The following AMMECR1L variants were observed in gnomAD, a reference collection of about 807,000 sequenced individuals.
AMMECR1L encodes AMMECR1 like.
AMMECR1L carries 4 observed loss-of-function variants against 36.8 expected under a neutral mutation model. The ratio of observed to expected loss-of-function variants is 0.11; its 90% CI spans 0.05 to 0.25. AMMECR1L has a LOEUF of 0.25. Ranked by LOEUF, AMMECR1L falls within the 10% of genes least tolerant of loss-of-function variation. The pLI, the probability that AMMECR1L is intolerant of heterozygous loss-of-function variation, is 1.00. For synonymous variants in AMMECR1L, 147 were observed against 148.0 expected (o/e 0.99, Z 0.05); for missense variants, 232 against 392.1 (o/e 0.59, Z 3.45).
Position 127,874,101 on chromosome 2 carries a change from C to G in AMMECR1L, c.134G>C (p.Ser45Thr), listed in dbSNP as rs1430075097. 8.1e-6 allele frequency: 13 copies of G among 1,614,192 alleles called. No homozygotes were observed. Among genetic ancestry groups the G allele is most frequent in the Non-Finnish European group, 1.0e-5 (12 of 1,180,046 alleles). ...CTGGTGGTTTTGAAGAGGTCCTGAA[C>G]TAGAGCCGGGGACAGTTGTGGACTG... ...GNQSTTVPGSSSGPLQNHQHV... is the reference protein window; with the variant it reads ...GNQSTTVPGSTSGPLQNHQHV... Residue 45 changes from serine (S) to threonine (T), a missense_variant, in exon 3 of 8, where the codon AGT becomes ACT. Physicochemically the swap from Ser to Thr is moderately conservative, Grantham distance 58. Coordinates refer to ENST00000272647, the MANE Select transcript of AMMECR1L (RefSeq NM_001199140.2). This position sits in a 1 kb window ranked among gnomAD's most constrained non-coding sequence, Gnocchi z 5.2.
At position 127,874,032 on chromosome 2, in the gene AMMECR1L, G is replaced by A. The variant is rs1487987656; in HGVS notation, c.203C>T (p.Thr68Ile). 1 of 1,614,254 alleles carries A rather than the reference G, an allele frequency of 6.2e-7. No homozygotes were observed. The highest frequency in any genetic ancestry group is 1.7e-5 in the Admixed American group (1 of 60,026). Residue 68 changes from threonine to isoleucine, a missense_variant, in exon 3 of 8, where the codon ACT (threonine) becomes ATT (isoleucine). By Grantham distance (89) the Thr-to-Ile change is moderately conservative. This residue lies in a region of AMMECR1L where 109 missense variants were observed against 128.1 expected (regional missense o/e 0.85). Coordinates refer to ENST00000272647, the MANE Select transcript of AMMECR1L (RefSeq NM_001199140.2). The surrounding 1 kb of genome is among the most constrained non-coding windows in gnomAD (Gnocchi z 5.2). ...SSGRENVSDL[T>I]LGPGNSPITR... ...GATGGGAGAGTTTCCAGGTCCCAGAGTTAAGTCTGACACATTCTCCCGTCC... is the reference window on the plus strand; with the variant it reads ...GATGGGAGAGTTTCCAGGTCCCAGAATTAAGTCTGACACATTCTCCCGTCC...
intron 2 of AMMECR1L, among the ~76,000 whole-genome samples, chr2:127,880,869 C>T (rs967169658): frequency 3.3e-5 from 5 of 152,086 alleles, no homozygotes; most frequent in Non-Finnish European, 7.3e-5. Flanking sequence ...AGTGGAGTAT[C>T]GCAGAACCTG....
chr2:127,870,783 G>A, intron 5 of AMMECR1L, 31 bp downstream of exon 5: 3 of 1,554,968 alleles, frequency 1.9e-6, no homozygotes, highest in Non-Finnish European at 2.6e-6. Flanking sequence ...TGCAACGAGA[G>A]ATGCAGAGTT....
chr2:127,868,567 C>T (rs910968222), intron 6 of AMMECR1L, among the ~76,000 whole-genome samples: 1 of 152,150 alleles, frequency 6.6e-6, no homozygotes, highest in Non-Finnish European at 1.5e-5. Context: ...ATATTATTTT[C>T]AAAATCAGAC....
chr2:127,868,163 A>G (rs1293254051), intron 6 of AMMECR1L, among the ~76,000 whole-genome samples: 1 of 152,210 alleles, frequency 6.6e-6, no homozygotes, highest in African/African-American at 2.4e-5. Context: ...AAACGTGCCC[A>G]GCCTCATTCT....
intron 3 of AMMECR1L, chr2:127,872,985 C>T: frequency 9.1e-6 from 9 of 985,102 alleles, no homozygotes; most frequent in Non-Finnish European, 1.1e-5. Flanking sequence ...GATTTGCCAA[C>T]CTGACAGGCC....
At chr2:127,885,321 G>A (rs1691713966) in intron 1 of AMMECR1L, 2 of 984,840 alleles carry the variant, frequency 2.0e-6, no homozygotes, top group Non-Finnish European at 2.4e-6. Context: ...AAGAGGGTCC[G>A]GGGCGCTGGG....
chr2:127,875,607 TAAAC>T, intron 2 of AMMECR1L, among the ~76,000 whole-genome samples: 1 of 152,306 alleles, frequency 6.6e-6, no homozygotes, highest in Admixed American at 6.5e-5. Flanking sequence ...TTGAATGATA[TAAAC>T]ATTTTACAAG....
In AMMECR1L at chr2:127,885,398, C is replaced by T. The variant is rs908861599; in HGVS notation, c.-149+412G>A. The stretch of plus-strand genomic sequence containing the variant: ...CCGAGCCGCGGGGGTGGAATCCAGA[C>T]GCCGGGCGGGGGAGGGGGCGGCGGG... On this transcript the variant is annotated intron_variant, in intron 1 of 7. Transcript: ENST00000272647. 1.3e-5 allele frequency: 12 copies of T among 942,110 alleles called. No individual in the cohort carries two copies. The African/African-American group carries it at 2.3e-4, about 18-fold the overall frequency. The allele number at this position is 942,110 out of a possible 1,614,324, so 58.4% of individuals were successfully genotyped here. A position where few individuals can be genotyped will look rare whatever the true frequency, so the allele number is the denominator to read the frequency against.
intron 3 of AMMECR1L, among the ~76,000 whole-genome samples, chr2:127,872,669 C>T (rs1441373758): frequency 6.6e-6 from 1 of 152,232 alleles, no homozygotes; most frequent in Non-Finnish European, 1.5e-5. Context: ...CCAAAGCCTA[C>T]TGAAAAATCC....
At position 127,869,425 on chromosome 2, in the gene AMMECR1L, G is replaced by C; in HGVS notation, c.724+29C>G. On this transcript the variant is annotated intron_variant, in intron 6 of 7. Coordinates refer to ENST00000272647, the MANE Select transcript of AMMECR1L (RefSeq NM_001199140.2). The surrounding 1 kb of genome is among the most constrained non-coding windows in gnomAD (Gnocchi z 4.7). Reference sequence around the variant, plus strand: ...ACTGGCACCACTGTGAATGATACTTGTCATTAAAATCCCATTCATCCAACT... The same window carrying C: ...ACTGGCACCACTGTGAATGATACTTCTCATTAAAATCCCATTCATCCAACT... 1 of 1,576,276 alleles carries C rather than the reference G, an allele frequency of 6.3e-7. No homozygotes were observed.
chr2:127,881,890 A>C (rs1038517803), intron 2 of AMMECR1L, among the ~76,000 whole-genome samples: 1 of 152,224 alleles, frequency 6.6e-6, no homozygotes, highest in Admixed American at 6.5e-5. Context: ...ATGGCTTCTA[A>C]TAAATCATCC....
intron 6 of AMMECR1L, among the ~76,000 whole-genome samples, chr2:127,868,355 AGAGT>A (rs544325990): frequency 1.0e-3 from 155 of 152,326 alleles, no homozygotes; most frequent in Non-Finnish European, 1.7e-3. Flanking sequence ...CTCCTTGTAC[AGAGT>A]GTGTTAGGTT....
chr2:127,877,056 T>TATATAG (rs1405354696), intron 2 of AMMECR1L, among the ~76,000 whole-genome samples: 3 of 146,988 alleles, frequency 2.0e-5, no homozygotes, highest in Non-Finnish European at 4.5e-5. Flanking sequence ...TATATATATA[T>TATATAG]GTACATAAAG....
At chr2:127,867,493 T>C (rs780068198) in intron 6 of AMMECR1L, among the ~76,000 whole-genome samples, 4 of 152,132 alleles carry the variant, frequency 2.6e-5, no homozygotes, top group Non-Finnish European at 5.9e-5. Flanking sequence ...ACACCTGTAA[T>C]CCCAGCACTT....
At position 127,866,818 on chromosome 2, in the gene AMMECR1L, C is replaced by G. The variant is rs1399193165; in HGVS notation, c.821+82G>C. The G allele has an allele frequency of 3.0e-6, 4 of 1,321,736 alleles. No individual in the cohort carries two copies. The African/African-American group carries it at 5.8e-5, about 19-fold the overall frequency. 81.9% of individuals were successfully genotyped at this position (1,321,736 alleles called of 1,614,324 possible). A position where few individuals can be genotyped will look rare whatever the true frequency, so the allele number is the denominator to read the frequency against. On this transcript the variant is annotated intron_variant, in intron 7 of 7. Transcript: ENST00000272647. The stretch of plus-strand genomic sequence containing the variant: ...GATTTAGGGACATTCACAGAGAACA[C>G]TTCTTCTCCATCCCATCAAAATTAT...
rs1156408713 is a variant in AMMECR1L at position 127,862,234 on chromosome 2, AC to A, written c.*2859del. The A allele has an allele frequency of 6.5e-6, 1 of 153,764 alleles. No individual in the cohort carries two copies. The highest frequency in any genetic ancestry group is 1.5e-5 in the Non-Finnish European group (1 of 68,030). 9.5% of individuals were successfully genotyped at this position (153,764 alleles called of 1,614,324 possible). Reference sequence around the variant, plus strand: ...CAGCTAGGGATGAAACGAACTCCGAACCAAGCCAGAGAAATTGGGCTGGTCC... The same window carrying A: ...CAGCTAGGGATGAAACGAACTCCGAACAAGCCAGAGAAATTGGGCTGGTCC... On this transcript the variant is annotated 3_prime_UTR_variant, in exon 8 of 8. Coordinates refer to ENST00000272647, the MANE Select transcript of AMMECR1L (RefSeq NM_001199140.2).
intron 2 of AMMECR1L, among the ~76,000 whole-genome samples, chr2:127,879,815 G>C (rs1281114005): frequency 6.6e-6 from 1 of 152,180 alleles, no homozygotes; most frequent in Non-Finnish European, 1.5e-5. Flanking sequence ...GTGAGTACTA[G>C]GTAAGGTACT....
Position 127,873,616 on chromosome 2 carries a change from C to T in AMMECR1L, c.407+212G>A. ...CCAGAACATTACTTTAACAACAAGC[C>T]TACAGCCTCCTCCAAATGTGAACTG... is the stretch of plus-strand genomic sequence containing the variant. On this transcript the variant is annotated intron_variant, in intron 3 of 7. Coordinates refer to ENST00000272647, the MANE Select transcript of AMMECR1L (RefSeq NM_001199140.2). This position sits in a 1 kb window ranked among gnomAD's most constrained non-coding sequence, Gnocchi z 5.2. The T allele has an allele frequency of 1.0e-6, 1 of 985,470 alleles. No individual in the cohort carries two copies. The highest frequency in any genetic ancestry group is 1.2e-6 in the Non-Finnish European group (1 of 829,940). 61.0% of individuals were successfully genotyped at this position (985,470 alleles called of 1,614,324 possible).
Sources: gnomAD v4.1 joint callset for allele counts (sites outside exome capture counted in the v4.1 genomes callset) on GRCh38, gnomAD v4.1.1 for gene constraint, gnomAD v4.1.1 regional missense constraint, Gnocchi (gnomAD v3.1) non-coding constraint, MANE v1.5 for transcripts, NCBI Gene and HGNC (gene_info 2026-07-23, HGNC 2026-07-21) for gene names.